CFAP92: variants seen among roughly 807,000 people sequenced by gnomAD.
The protein encoded by CFAP92 is uncharacterized protein CFAP92.
A neutral mutation model predicts 106.3 loss-of-function variants in CFAP92; 86 were observed. That is an observed-to-expected ratio of 0.81 (90% confidence interval 0.68 to 0.97). The LOEUF (loss-of-function observed/expected upper bound fraction) is 0.97. Ranked by LOEUF, CFAP92 falls within the 50% of genes least tolerant of loss-of-function variation. CFAP92 has a pLI of 0.00. For synonymous variants in CFAP92, 477 were observed against 506.4 expected (o/e 0.94, Z 0.78); for missense variants, 1,204 against 1,283.8 (o/e 0.94, Z 0.95).
chr3:128,921,018 C>T (rs1937230785), intron 12 of CFAP92, among the ~76,000 whole-genome samples: 1 of 152,240 alleles, frequency 6.6e-6, no homozygotes, highest in Admixed American at 6.5e-5. Flanking sequence ...CCCACATCCT[C>T]ACCACCTGCT....
chr3:129,020,393 T>C, the CFAP92 span, among the ~76,000 whole-genome samples: 1 of 152,134 alleles, frequency 6.6e-6, no homozygotes, highest in Non-Finnish European at 1.5e-5. Flanking sequence ...TCCCAGCATT[T>C]TGGGAGGCCG....
the CFAP92 span, among the ~76,000 whole-genome samples, chr3:129,025,048 G>A: frequency 6.6e-6 from 1 of 152,208 alleles, no homozygotes; most frequent in South Asian, 2.1e-4. Context: ...AAGTCCAGGT[G>A]GCATGAGAGG....
chr3:128,993,278 T>C lies in CFAP92; in HGVS notation c.27A>G (p.Glu9=). The change falls in exon 2 of 16, where the codon GAA becomes GAG. Residue 9 remains glutamate (E), a synonymous_variant. Transcript: ENST00000645291. ...TGGGCTCTATGCTTGCGGGGTCCTCTTCCCACTCCCAGGCATGTAGCGACA... is the reference window on the plus strand; with the variant it reads ...TGGGCTCTATGCTTGCGGGGTCCTCCTCCCACTCCCAGGCATGTAGCGACA... MSLHAWEW[E]EDPASIEPIS... 6.2e-7 allele frequency: 1 copy of C among 1,613,724 alleles called. No individual in the cohort carries two copies. Among genetic ancestry groups the C allele is most frequent in the Non-Finnish European group, 8.5e-7 (1 of 1,179,824 alleles).
intron 10 of CFAP92, among the ~76,000 whole-genome samples, chr3:128,941,753 A>C (rs1304873003): frequency 6.6e-6 from 1 of 152,214 alleles, no homozygotes; most frequent in African/African-American, 2.4e-5. Context: ...TTGGGATTAC[A>C]GACATGAGCC....
chr3:129,010,991 T>A, the CFAP92 span, among the ~76,000 whole-genome samples: 1 of 152,120 alleles, frequency 6.6e-6, no homozygotes, highest in Non-Finnish European at 1.5e-5. This position sits in a 1 kb window ranked among gnomAD's most constrained non-coding sequence, Gnocchi z 4.3. Context: ...TCCCTTCACT[T>A]CTGTGAGTCT....
chr3:129,012,372 G>A, the CFAP92 span, among the ~76,000 whole-genome samples: 2 of 152,074 alleles, frequency 1.3e-5, no homozygotes, highest in African/African-American at 2.4e-5. Context: ...CACACTCCTC[G>A]GATGAGCTTT....
intron 2 of CFAP92, chr3:128,991,794 G>A (rs2107823778): frequency 2.0e-6 from 2 of 991,434 alleles, no homozygotes; most frequent in Non-Finnish European, 1.2e-6. Context: ...TTACACCATC[G>A]ACAGAATACC....
chr3:128,976,794 C>T (rs538330331), intron 6 of CFAP92, among the ~76,000 whole-genome samples, 185 bp downstream of exon 6: 2 of 152,308 alleles, frequency 1.3e-5, no homozygotes, highest in Admixed American at 6.5e-5. Flanking sequence ...ATAATGCATG[C>T]AGAAAGCTTG....
At position 128,932,795 on chromosome 3, in the gene CFAP92, G is replaced by C; in HGVS notation, c.2656C>G (p.Leu886Val). 1 of 1,536,258 alleles carries C rather than the reference G, an allele frequency of 6.5e-7. No individual in the cohort carries two copies. The highest frequency in any genetic ancestry group is 2.4e-5 in the East Asian group (1 of 40,922). ...LEDYHSRNST[L>V]TLEIHAHQEK... ...TGGTGGGCGTGGATCTCTAAGGTGA[G>C]GGTGGAGTTCCGACTGTGGTAGTCC... is the stretch of plus-strand genomic sequence containing the variant. The change falls in exon 12 of 16, where the codon CTC (leucine) becomes GTC (valine). Residue 886 changes from leucine to valine, a missense_variant. Coordinates refer to ENST00000645291, the MANE Select transcript of CFAP92 (RefSeq NM_001394090.1).
At chr3:128,935,069 T>A in intron 11 of CFAP92, 56 bp downstream of exon 11, 1 of 1,409,910 alleles carries the variant, frequency 7.1e-7, no homozygotes, top group Non-Finnish European at 9.4e-7. Flanking sequence ...TGCAGAGTGT[T>A]AAGAAGTGCC....
upstream of CFAP92, among the ~76,000 whole-genome samples, chr3:129,002,942 T>TG (rs1189107435): frequency 6.6e-6 from 1 of 151,918 alleles, no homozygotes; most frequent in Non-Finnish European, 1.5e-5. Context: ...GAAGAAACCA[T>TG]GGGGTGAGAT....
Position 128,988,896 on chromosome 3 carries a change from A to G in CFAP92, c.285T>C (p.Ser95=), listed in dbSNP as rs753264473. 1.9e-6 allele frequency: 3 copies of G among 1,613,274 alleles called. No individual in the cohort carries two copies. The highest frequency in any genetic ancestry group is 2.2e-5 in the East Asian group (1 of 44,864). The change falls in exon 3 of 16, where the codon AGT becomes AGC. Residue 95 remains serine, a synonymous_variant. Transcript: ENST00000645291. The part of the protein sequence containing the change: ...VNMGQKGKYA[S]LIEKYKKHPK... ...GGTGTTTCTTATATTTTTCAATCAA[A>G]CTTGCATATTTTCCCTTCTGACCTT...
At chr3:129,001,727 C>T (rs1452337529) in intron 1 of CFAP92, 2 of 1,523,440 alleles carry the variant, frequency 1.3e-6, no homozygotes, top group East Asian at 5.2e-5. Flanking sequence ...TGCTGAGCGC[C>T]CTGGCGCACC....
chr3:128,918,855 GGGTTTAAAAGTA>G, intron 12 of CFAP92, among the ~76,000 whole-genome samples: 1 of 151,794 alleles, frequency 6.6e-6, no homozygotes, highest in South Asian at 2.1e-4. Context: ...CAGGAACGGA[GGGTTTAAAAGTA>G]GATTAGGTGG....
At position 128,915,140 on chromosome 3, in the gene CFAP92, G is replaced by C; in HGVS notation, c.3259C>G (p.Pro1087Ala). ...PPPFLELLPS[P>A]APKPVTVRKK... ...TTACCTGTTACAGGCTTTGGTGCGG[G>C]CGAAGGGAGCAGCTCGAGGAAAGGT... The change falls in exon 15 of 16, where the codon CCC (proline) becomes GCC (alanine). Residue 1087 changes from proline (P) to alanine (A), a missense_variant. Physicochemically the swap from Pro to Ala is conservative, Grantham distance 27 (BLOSUM62 -1). Coordinates refer to ENST00000645291, the MANE Select transcript of CFAP92 (RefSeq NM_001394090.1). 6.5e-7 allele frequency: 1 copy of C among 1,536,110 alleles called. No homozygotes were observed. The highest frequency in any genetic ancestry group is 8.7e-7 in the Non-Finnish European group (1 of 1,146,922).
chr3:128,941,828 A>G (rs1939665986), intron 10 of CFAP92, among the ~76,000 whole-genome samples: 2 of 152,188 alleles, frequency 1.3e-5, no homozygotes, highest in South Asian at 2.1e-4. Context: ...CAGTTCAAAA[A>G]TGTCTAATTT....
Position 128,945,620 on chromosome 3 carries a change from A to C in CFAP92, c.1709T>G (p.Phe570Cys). The change falls in exon 10 of 16, where the codon TTT (phenylalanine) becomes TGT (cysteine). Residue 570 changes from phenylalanine (F) to cysteine (C), a missense_variant. By Grantham distance (205) the Phe-to-Cys change is radical. Transcript: ENST00000645291. ...WYPYGIAQVS[F>C]ADLLLGHKYL... ...CTTGTGGCCAAGGAGGAGGTCAGCA[A>C]AACTGACCTGGGCGATGCCATAAGG... 6.5e-7 allele frequency: 1 copy of C among 1,536,128 alleles called. No individual in the cohort carries two copies. The highest frequency in any genetic ancestry group is 1.2e-5 in the South Asian group (1 of 84,060).
intron 9 of CFAP92, among the ~76,000 whole-genome samples, chr3:128,951,854 T>G (rs1363421971): frequency 4.6e-5 from 7 of 152,162 alleles, no homozygotes; most frequent in Admixed American, 4.6e-4. Flanking sequence ...CTTACCTCAC[T>G]GGGGTAGTGT....
intron 10 of CFAP92, among the ~76,000 whole-genome samples, chr3:128,940,138 C>T (rs1003109625): frequency 6.6e-6 from 1 of 152,190 alleles, no homozygotes; most frequent in Non-Finnish European, 1.5e-5. Context: ...GTGTTTCATT[C>T]CTTTTTATGT....
Sources: allele counts gnomAD v4.1 joint callset (sites outside exome capture counted in the v4.1 genomes callset), GRCh38; gene constraint gnomAD v4.1.1; non-coding constraint Gnocchi (gnomAD v3.1); transcripts MANE v1.5; gene names NCBI Gene and HGNC (gene_info 2026-07-23, HGNC 2026-07-21).